EIF2AK2: variants seen among roughly 807,000 people sequenced by gnomAD.
EIF2AK2 encodes eukaryotic translation initiation factor 2 alpha kinase 2, also known as interferon-induced, double-stranded RNA-activated protein kinase.
In EIF2AK2, 40 loss-of-function variants were observed where a neutral mutation model predicts 70.5. The ratio of observed to expected loss-of-function variants is 0.57; its 90% CI spans 0.44 to 0.74. The LOEUF is 0.74. Ranked by LOEUF, EIF2AK2 falls within the 30% of genes least tolerant of loss-of-function variation. The probability of loss-of-function intolerance (pLI) is 0.00; values close to 1 mark genes in which losing one functional copy is unlikely to be tolerated. For missense variants in EIF2AK2, 555 were observed against 644.3 expected, an observed-to-expected ratio of 0.86 and a Z score of 1.50; for synonymous variants, 198 against 220.9, an observed-to-expected ratio of 0.90 and a Z score of 0.92.
intron 13 of EIF2AK2, among the ~76,000 whole-genome samples, chr2:37,115,876 T>C (rs527688969): frequency 1.3e-5 from 2 of 152,232 alleles, no homozygotes; most frequent in South Asian, 4.1e-4. Flanking sequence ...AGCAGATTTT[T>C]TTTTTTTAAG....
At chr2:37,131,627 C>T (rs2148691456) in intron 10 of EIF2AK2, among the ~76,000 whole-genome samples, 1 of 152,244 alleles carries the variant, frequency 6.6e-6, no homozygotes, top group South Asian at 2.1e-4. Flanking sequence ...AACACTCATG[C>T]TCTGATCTAA....
In EIF2AK2 at chr2:37,120,107, T is replaced by A. The variant is rs1239476697; in HGVS notation, c.1100A>T (p.Glu367Val). 1 of 1,475,112 alleles carries A rather than the reference T, an allele frequency of 6.8e-7. No homozygotes were observed. Among genetic ancestry groups the A allele is most frequent in the South Asian group, 1.6e-5 (1 of 64,402 alleles). The allele number at this position is 1,475,112 out of a possible 1,614,324, so 91.4% of individuals were successfully genotyped here. A position where few individuals can be genotyped will look rare whatever the true frequency, so the allele number is the denominator to read the frequency against. Residue 367 changes from glutamate (E) to valine (V), a missense_variant, in exon 13 of 17, where the codon GAA (glutamate) becomes GTA (valine). Physicochemically the swap from Glu to Val is moderately radical, Grantham distance 121 (BLOSUM62 -2). Transcript: ENST00000233057. Reference sequence around the variant, plus strand: ...TTCCAAGGTCCCTTTATCACAGAATTCCATTTGGATGAAAAGGCACTTAGT... The same window carrying A: ...TTCCAAGGTCCCTTTATCACAGAATACCATTTGGATGAAAAGGCACTTAGT... ...SKTKCLFIQM[E>V]FCDKGTLEQW...
In EIF2AK2 at chr2:37,107,516, G is replaced by C. The variant is rs750224048; in HGVS notation, c.1491C>G (p.Asp497Glu). 6.2e-7 allele frequency: 1 copy of C among 1,611,194 alleles called. No homozygotes were observed. Among genetic ancestry groups the C allele is most frequent in the Admixed American group, 1.7e-5 (1 of 59,364 alleles). ...TAFETSKFFT[D>E]LRDGIISDIF... ...TATCTGAGATGATGCCATCCCGTAGGTCTGTGAAAAACTGGAAAAAAAAAT... is the reference window on the plus strand; with the variant it reads ...TATCTGAGATGATGCCATCCCGTAGCTCTGTGAAAAACTGGAAAAAAAAAT... Residue 497 changes from aspartate (D) to glutamate (E), a missense_variant, in exon 16 of 17, where the codon GAC (aspartate) becomes GAG (glutamate). Asp to Glu is a conservative substitution (Grantham distance 45). Transcript: ENST00000233057.
At chr2:37,110,459 T>C (rs897064216) in intron 14 of EIF2AK2, among the ~76,000 whole-genome samples, 3 of 152,004 alleles carry the variant, frequency 2.0e-5, no homozygotes, top group African/African-American at 4.8e-5. Flanking sequence ...AGTACAATGA[T>C]GAATGTTTTT....
chr2:37,139,572 C>G (rs1331069641), intron 6 of EIF2AK2, 59 bp downstream of exon 6: 1 of 1,586,542 alleles, frequency 6.3e-7, no homozygotes, highest in East Asian at 2.2e-5. Context: ...AGTCTAACCT[C>G]AAGTCAACTT....
chr2:37,114,012 T>A (rs1351310470), intron 14 of EIF2AK2, among the ~76,000 whole-genome samples: 1 of 152,210 alleles, frequency 6.6e-6, no homozygotes, highest in African/African-American at 2.4e-5. Flanking sequence ...AGGAGGAATG[T>A]CTAAGTGTAT....
At chr2:37,148,175 T>C (rs4648158) in intron 2 of EIF2AK2, among the ~76,000 whole-genome samples, 4,680 of 152,042 alleles carry the variant, frequency 0.031, 109 homozygotes, top group Middle Eastern at 0.054. Context: ...TTTTAAAAAA[T>C]AAAGGAAAGA....
rs146564926 is a variant in EIF2AK2, at chr2:37,128,223, A to G, written c.786-1812T>C. Among the ~76,000 whole-genome samples the G allele has an allele frequency of 9.8e-3, 1,493 of 152,248 alleles. 27 individuals carry two copies. Among genetic ancestry groups the G allele is most frequent in the African/African-American group, 0.034 (1,408 of 41,538 alleles). ...AGTTTTATATTGAATGACCCGCCCC[A>G]CTGATGCAAACAGGTCTCCATCGTT... On this transcript the variant is annotated intron_variant, in intron 10 of 16. Transcript: ENST00000233057.
At chr2:37,150,611 A>G (rs1266368243) in intron 1 of EIF2AK2, among the ~76,000 whole-genome samples, 2 of 152,172 alleles carry the variant, frequency 1.3e-5, no homozygotes, top group Non-Finnish European at 1.5e-5. Context: ...GAACAACACA[A>G]TGCTTGCTTC....
In EIF2AK2 at chr2:37,121,024, G is replaced by A. The variant is rs897632476; in HGVS notation, c.1068-885C>T. Among the ~76,000 whole-genome samples the A allele has an allele frequency of 1.3e-5, 2 of 149,318 alleles. 1 individual carries two copies. The highest frequency in any genetic ancestry group is 3.0e-5 in the Non-Finnish European group (2 of 67,038). ...CACGCATGTAATCCCAGCACTTTGGGAGGCCGAGGCGGGTGGATCACGAGG... is the reference window on the plus strand; with the variant it reads ...CACGCATGTAATCCCAGCACTTTGGAAGGCCGAGGCGGGTGGATCACGAGG... On this transcript the variant is annotated intron_variant, in intron 12 of 16. Transcript: ENST00000233057.
chr2:37,139,853 A>G, intron 5 of EIF2AK2, 96 bp from the exon 6 acceptor site: 2 of 1,234,000 alleles, frequency 1.6e-6, no homozygotes, highest in Non-Finnish European at 2.2e-6. Context: ...AGAGATCTTA[A>G]GATAACACCA....
chr2:37,127,493 A>T (rs1220015483), intron 10 of EIF2AK2, among the ~76,000 whole-genome samples: 1 of 152,122 alleles, frequency 6.6e-6, no homozygotes, highest in African/African-American at 2.4e-5. Flanking sequence ...ATCTCATGGC[A>T]CTGTGCCCCT....
At chr2:37,126,206 T>G in intron 11 of EIF2AK2, 83 bp downstream of exon 11, 6 of 1,453,630 alleles carry the variant, frequency 4.1e-6, no homozygotes, top group Non-Finnish European at 5.5e-6. Flanking sequence ...GATACCCTAA[T>G]AAAGAAGAGA....
At chr2:37,146,829 T>C (rs750875497) in intron 4 of EIF2AK2, 24 bp downstream of exon 4, 10 of 1,471,240 alleles carry the variant, frequency 6.8e-6, no homozygotes, top group Admixed American at 2.3e-5. Flanking sequence ...TTCCCATTTA[T>C]TAGGAAAAAA....
chr2:37,114,291 C>A (rs4648232), intron 14 of EIF2AK2, among the ~76,000 whole-genome samples: 3,009 of 151,850 alleles, frequency 0.02, 100 homozygotes, highest in African/African-American at 0.069. Flanking sequence ...CAGAGCAAGA[C>A]CCTGTCTCTA....
At chr2:37,124,522 G>A (rs1674666866) in intron 11 of EIF2AK2, among the ~76,000 whole-genome samples, 1 of 152,200 alleles carries the variant, frequency 6.6e-6, no homozygotes, top group African/African-American at 2.4e-5. Context: ...GCCTCCCAAA[G>A]TGCTGGGATT....
chr2:37,143,301 G>T (rs1008168098), intron 4 of EIF2AK2, among the ~76,000 whole-genome samples: 1 of 150,496 alleles, frequency 6.6e-6, no homozygotes, highest in African/African-American at 2.4e-5. Flanking sequence ...GTTTTAATCT[G>T]CAGTCAAGTC....
At position 37,114,776 on chromosome 2, in the gene EIF2AK2, C is replaced by T. The variant is rs746733915; in HGVS notation, c.1332G>A (p.Lys444=). 3 of 1,605,246 alleles carry T rather than the reference C, an allele frequency of 1.9e-6. No individual in the cohort carries two copies. Among genetic ancestry groups the T allele is most frequent in the Non-Finnish European group, 2.6e-6 (3 of 1,175,718 alleles). ...GCAAAGTTCCCTTACTCCTTGTTCGCTTTCCATCATTTTTCAGAGATGTTA... is the reference window on the plus strand; with the variant it reads ...GCAAAGTTCCCTTACTCCTTGTTCGTTTTCCATCATTTTTCAGAGATGTTA... ...GLVTSLKNDG[K]RTRSKGTLRY... The change falls in exon 14 of 17, where the codon AAG becomes AAA. Residue 444 remains lysine (K), a synonymous_variant. Transcript: ENST00000233057.
intron 4 of EIF2AK2, among the ~76,000 whole-genome samples, chr2:37,145,591 A>G (rs981347603): frequency 6.6e-5 from 10 of 152,192 alleles, no homozygotes; most frequent in African/African-American, 1.9e-4. Context: ...TTATGTATAC[A>G]GTGTTTATAA....
Sources: allele counts gnomAD v4.1 joint callset (sites outside exome capture counted in the v4.1 genomes callset), GRCh38; gene constraint gnomAD v4.1.1; transcripts MANE v1.5; gene names NCBI Gene and HGNC (gene_info 2026-07-23, HGNC 2026-07-21).